Variants in MERTK observed in about 807,000 individuals in gnomAD.
MERTK encodes tyrosine-protein kinase Mer.
MERTK carries 69 observed loss-of-function variants against 99.3 expected under a neutral mutation model. The observed-to-expected ratio is 0.70, with a 90% confidence interval of 0.57 to 0.85. The LOEUF is 0.85. Among genes scored for constraint, MERTK ranks in the 40% least tolerant of loss-of-function variants. The pLI, the probability that MERTK is intolerant of heterozygous loss-of-function variation, is 0.00. For missense variants in MERTK, 1,125 were observed against 1,249.4 expected, an observed-to-expected ratio of 0.90 and a Z score of 1.50; for synonymous variants, 426 against 467.6, an observed-to-expected ratio of 0.91 and a Z score of 1.15.
At chr2:112,000,716 C>T (rs1345023956) in intron 10 of MERTK, among the ~76,000 whole-genome samples, 3 of 151,970 alleles carry the variant, frequency 2.0e-5, no homozygotes, top group African/African-American at 7.3e-5. Context: ...ATTTTTTCTC[C>T]CTTTCCCTAC....
At chr2:111,926,386 TGAGTG>T (rs544407456) in intron 1 of MERTK, among the ~76,000 whole-genome samples, 135 of 152,214 alleles carry the variant, frequency 8.9e-4, no homozygotes, top group African/African-American at 3.2e-3. Flanking sequence ...GAACCACAGA[TGAGTG>T]TGCCCACCCA....
intron 2 of MERTK, among the ~76,000 whole-genome samples, chr2:111,933,933 A>C (rs2104691600): frequency 7.7e-6 from 1 of 129,404 alleles, no homozygotes; most frequent in East Asian, 2.4e-4. Flanking sequence ...ACGTGTTCTC[A>C]TTGGTCAATT....
chr2:111,951,517 A>G (rs576285409), intron 4 of MERTK, among the ~76,000 whole-genome samples: 3 of 89,858 alleles, frequency 3.3e-5, no homozygotes, highest in African/African-American at 1.3e-4. Context: ...GCTGAATAAT[A>G]TTCCCATATA....
rs1306945145 is a variant in MERTK at position 112,029,316 on chromosome 2, T to C, written c.*452T>C. The C allele has an allele frequency of 4.2e-6, 4 of 949,224 alleles. No homozygotes were observed. The highest frequency in any genetic ancestry group is 5.0e-6 in the Non-Finnish European group (4 of 795,954). The allele number at this position is 949,224 out of a possible 1,614,324, so 58.8% of individuals were successfully genotyped here. A position where few individuals can be genotyped will look rare whatever the true frequency, so the allele number is the denominator to read the frequency against. On this transcript the variant is annotated 3_prime_UTR_variant, in exon 19 of 19. Transcript: ENST00000295408. ...ATGATTCATTCAATGTTTAAAGTTG[T>C]ATAACTGATTAATTTTCTGATATGG...
intron 1 of MERTK, among the ~76,000 whole-genome samples, chr2:111,920,772 A>C (rs1444036105): frequency 2.0e-5 from 3 of 151,796 alleles, no homozygotes; most frequent in African/African-American, 7.3e-5. Flanking sequence ...TCCCTGCCTC[A>C]CCCTCCCGAG....
At chr2:111,977,501 G>T (rs1676276713) in intron 7 of MERTK, among the ~76,000 whole-genome samples, 1 of 152,112 alleles carries the variant, frequency 6.6e-6, no homozygotes, top group Admixed American at 6.5e-5. Flanking sequence ...CACTGATTTT[G>T]AGCAATTGAA....
intron 15 of MERTK, among the ~76,000 whole-genome samples, chr2:112,016,854 C>T (rs1022920455): frequency 6.6e-6 from 1 of 152,196 alleles, no homozygotes; most frequent in Non-Finnish European, 1.5e-5. Flanking sequence ...GTTTGGGAGG[C>T]CAAGGCGGGT....
chr2:112,006,621 T>G (rs1676984916), intron 13 of MERTK, among the ~76,000 whole-genome samples: 1 of 152,192 alleles, frequency 6.6e-6, no homozygotes, highest in Non-Finnish European at 1.5e-5. Flanking sequence ...TGCAGTTATT[T>G]AATTTCATTA....
intron 1 of MERTK, among the ~76,000 whole-genome samples, chr2:111,925,730 C>G (rs1684553255): frequency 1.3e-5 from 2 of 152,070 alleles, no homozygotes; most frequent in African/African-American, 4.8e-5. Flanking sequence ...GTTTGGTGAA[C>G]AGCTTGGCTC....
intron 4 of MERTK, among the ~76,000 whole-genome samples, chr2:111,955,845 T>C (rs1403394389): frequency 2.0e-5 from 3 of 152,138 alleles, no homozygotes; most frequent in Admixed American, 6.5e-5. Flanking sequence ...TTTAGCTTCA[T>C]GGTGTTCAAT....
At chr2:112,010,870 T>C (rs76593556) in intron 15 of MERTK, among the ~76,000 whole-genome samples, 6,598 of 152,242 alleles carry the variant, frequency 0.043, 493 homozygotes, top group African/African-American at 0.15. Flanking sequence ...ACGCATCTTC[T>C]CTGTTGCAAA....
At chr2:111,951,522 C>CATATATATATATATATATATAT (rs56410508) in intron 4 of MERTK, among the ~76,000 whole-genome samples, 2,217 of 85,268 alleles carry the variant, frequency 0.026, 193 homozygotes, top group Non-Finnish European at 0.036. Flanking sequence ...ATAATATTCC[C>CATATATATATATATATATATAT]ATATATATAT....
rs571231328 is a variant in MERTK, at chr2:111,983,019, G to T, written c.1296+26G>T. The stretch of plus-strand genomic sequence containing the variant: ...GTAAGTCTAAACCCTAGAAGAGCAC[G>T]ATTAGTCATCTCCTTTCAACTTGCT... On this transcript the variant is annotated intron_variant, in intron 8 of 18. Transcript: ENST00000295408. 6 of 1,613,094 alleles carry T rather than the reference G, an allele frequency of 3.7e-6. No homozygotes were observed. The East Asian group carries it at 1.1e-4, about 30-fold the overall frequency.
In MERTK at chr2:111,970,676, T is replaced by TCTCCTCCTCCTCC. The variant is rs1428983004; in HGVS notation, c.960+2436_960+2448dup. On this transcript the variant is annotated intron_variant, in intron 6 of 18. Coordinates refer to ENST00000295408, the MANE Select transcript of MERTK (RefSeq NM_006343.3). The stretch of plus-strand genomic sequence containing the variant: ...TAAGTATGAAAGTCCTCCTCCTCCT[T>TCTCCTCCTCCTCC]CTCCTCCTCCTCCCTCCTCCTCCTT... Among the ~76,000 whole-genome samples the TCTCCTCCTCCTCC allele has an allele frequency of 1.3e-3, 191 of 147,804 alleles. 2 individuals are homozygous for TCTCCTCCTCCTCC. The South Asian group carries it at 0.015, about 12-fold the overall frequency.
chr2:111,958,018 A>G (rs1685181691), intron 4 of MERTK, among the ~76,000 whole-genome samples: 1 of 152,202 alleles, frequency 6.6e-6, no homozygotes, highest in Non-Finnish European at 1.5e-5. Context: ...GAGCTGTGTC[A>G]TAAATATCTT....
intron 6 of MERTK, among the ~76,000 whole-genome samples, chr2:111,969,092 A>G (rs983918260): frequency 2.2e-4 from 33 of 152,208 alleles, no homozygotes; most frequent in Non-Finnish European, 2.9e-5. Context: ...GCTATTAGCC[A>G]TCCTAAAATG....
Position 111,917,529 on chromosome 2 carries a change from G to T in MERTK, c.62-11591G>T, listed in dbSNP as rs1265973540. ...AACCGATTTGTTCTTGAGTCCTGAG[G>T]TTCCTAGCCAGTCTGCCTGCTTCTC... On this transcript the variant is annotated intron_variant, in intron 1 of 18. Coordinates refer to ENST00000295408, the MANE Select transcript of MERTK (RefSeq NM_006343.3). Among the ~76,000 whole-genome samples, 4 of 152,120 alleles carry T rather than the reference G, an allele frequency of 2.6e-5. No homozygotes were observed. The South Asian group carries it at 8.3e-4, about 32-fold the overall frequency.
At chr2:111,942,639 C>G (rs969547361) in intron 2 of MERTK, among the ~76,000 whole-genome samples, 1 of 152,196 alleles carries the variant, frequency 6.6e-6, no homozygotes, top group Non-Finnish European at 1.5e-5. Flanking sequence ...TCCTTGATCC[C>G]TGGGACCTCC....
At chr2:111,925,275 G>GAGATATATATATATATATATAT (rs1553446636) in intron 1 of MERTK, among the ~76,000 whole-genome samples, 15 of 52,172 alleles carry the variant, frequency 2.9e-4, no homozygotes, top group African/African-American at 1.3e-3. Context: ...GTACAGATCA[G>GAGATATATATATATATATATAT]ATATATATAT....
Sources: allele counts gnomAD v4.1 joint callset (sites outside exome capture counted in the v4.1 genomes callset), GRCh38; gene constraint gnomAD v4.1.1; transcripts MANE v1.5; gene names NCBI Gene and HGNC (gene_info 2026-07-23, HGNC 2026-07-21).